ADGRL2: variants seen among roughly 807,000 people sequenced by gnomAD.
ADGRL2 encodes the protein adhesion G protein-coupled receptor L2.
A neutral mutation model predicts 157.4 loss-of-function variants in ADGRL2; 44 were observed. The observed-to-expected ratio is 0.28, with a 90% confidence interval of 0.22 to 0.36. The LOEUF (loss-of-function observed/expected upper bound fraction) is 0.36. Among genes scored for constraint, ADGRL2 ranks in the 10% least tolerant of loss-of-function variants. The pLI is 1.00. For missense variants in ADGRL2, 1,510 were observed against 1,768.9 expected (o/e 0.85, Z 2.63); for synonymous variants, 585 against 624.7 (o/e 0.94, Z 0.95).
chr1:81,510,050 A>T (rs1227523099), intron 2 of ADGRL2, among the ~76,000 whole-genome samples: 28 of 152,200 alleles, frequency 1.8e-4, no homozygotes, highest in Non-Finnish European at 1.2e-4. Flanking sequence ...TACCGCTGTT[A>T]GGAAAAAAAG....
intron 3 of ADGRL2, among the ~76,000 whole-genome samples, chr1:81,682,305 A>C (rs1472155270): frequency 2.6e-5 from 4 of 152,158 alleles, no homozygotes; most frequent in Non-Finnish European, 4.4e-5. Context: ...TAATCGGCTT[A>C]AATTTTAGGA....
At chr1:81,352,263 T>C (rs1662953735) in intron 1 of ADGRL2, among the ~76,000 whole-genome samples, 1 of 152,222 alleles carries the variant, frequency 6.6e-6, no homozygotes, top group African/African-American at 2.4e-5. Flanking sequence ...AGTCTCAACA[T>C]ATCAGTGGAC....
chr1:81,800,294 A>G (rs1045307521), upstream of ADGRL2: 1 of 152,324 alleles, frequency 6.6e-6, no homozygotes, highest in Admixed American at 6.5e-5. Context: ...CGCAATTTAA[A>G]AAAATGTAAC....
intron 1 of ADGRL2, among the ~76,000 whole-genome samples, chr1:81,402,615 A>C (rs560409651): frequency 1.5e-4 from 23 of 152,230 alleles, no homozygotes; most frequent in Non-Finnish European, 2.6e-4. Flanking sequence ...TTCCTCCTGA[A>C]CTTCCTACCC....
chr1:81,930,373 T>G (rs989454490), intron 3 of ADGRL2, among the ~76,000 whole-genome samples: 22 of 152,176 alleles, frequency 1.4e-4, no homozygotes, highest in African/African-American at 5.1e-4. Flanking sequence ...GATAATACAC[T>G]TTTATAAAAT....
At chr1:81,699,771 A>G (rs2083520067) in exon 1 of ADGRL2, 1 of 152,220 alleles carries the variant, frequency 6.6e-6, no homozygotes, top group Non-Finnish European at 1.5e-5. Flanking sequence ...GAGCTTGATA[A>G]CTGTGTTCTA....
Position 81,936,778 on chromosome 1 carries a change from C to G in ADGRL2, c.338C>G (p.Pro113Arg). 2 of 1,612,396 alleles carry G rather than the reference C, an allele frequency of 1.2e-6. No individual in the cohort carries two copies. The highest frequency in any genetic ancestry group is 1.7e-6 in the Non-Finnish European group (2 of 1,178,762). Residue 113 changes from proline to arginine, a missense_variant, in exon 4 of 24, where the codon CCT becomes CGT. Physicochemically the swap from Pro to Arg is moderately radical, Grantham distance 103. Around this residue, in one of 4 missense-constraint regions of ADGRL2, gnomAD observed 361 missense variants for 498.4 expected, o/e 0.72. Transcript: ENST00000686636. The part of the protein sequence containing the change: ...CIVVTGSDVF[P>R]DPCPGTYKYL... ...GTAGTTACTGGGTCAGATGTGTTTC[C>G]TGATCCATGTCCTGGAACATACAAA... is the stretch of plus-strand genomic sequence containing the variant.
chr1:81,379,221 G>T (rs2076302690), intron 1 of ADGRL2, among the ~76,000 whole-genome samples: 1 of 152,246 alleles, frequency 6.6e-6, no homozygotes, highest in South Asian at 2.1e-4. Context: ...GGTGTGGCTC[G>T]CTTCTTCAGT....
intron 3 of ADGRL2, among the ~76,000 whole-genome samples, chr1:81,584,962 G>T (rs2080994695): frequency 6.6e-6 from 1 of 152,114 alleles, no homozygotes; most frequent in Admixed American, 6.6e-5. Flanking sequence ...AGCCACTAAA[G>T]CTGGAGGCTT....
chr1:81,505,701 T>C (rs1198943578), intron 2 of ADGRL2, among the ~76,000 whole-genome samples: 13 of 126,128 alleles, frequency 1.0e-4, no homozygotes, highest in African/African-American at 4.1e-4. Flanking sequence ...AGCACATGGG[T>C]AGCCTAGGCA....
At chr1:81,728,631 C>T (rs992434973) in intron 1 of ADGRL2, among the ~76,000 whole-genome samples, 1 of 152,152 alleles carries the variant, frequency 6.6e-6, no homozygotes, top group Non-Finnish European at 1.5e-5. Flanking sequence ...CCAATCAAAT[C>T]TCATGTGGAA....
At chr1:81,892,965 C>T (rs962443198) in intron 2 of ADGRL2, among the ~76,000 whole-genome samples, 3 of 152,052 alleles carry the variant, frequency 2.0e-5, no homozygotes, top group African/African-American at 7.2e-5. Flanking sequence ...TATAAATTAA[C>T]ATCACAGTTT....
intron 2 of ADGRL2, among the ~76,000 whole-genome samples, chr1:81,770,207 G>A (rs2086302049): frequency 7.4e-6 from 1 of 136,028 alleles, no homozygotes; most frequent in African/African-American, 2.8e-5. Context: ...CTATAGCCCA[G>A]GCTGGAGTAC....
At chr1:81,623,284 A>G (rs2081837617) in intron 3 of ADGRL2, among the ~76,000 whole-genome samples, 1 of 152,224 alleles carries the variant, frequency 6.6e-6, no homozygotes, top group Admixed American at 6.5e-5. Context: ...CAAAGAACAA[A>G]CAAGAGAACT....
intron 2 of ADGRL2, among the ~76,000 whole-genome samples, chr1:81,504,407 C>A (rs145854648): frequency 0.023 from 3,493 of 152,268 alleles, 135 homozygotes; most frequent in African/African-American, 0.077. Flanking sequence ...CATTGAAATA[C>A]CTCAGATTTG....
At chr1:81,842,354 T>A (rs1392956727) in intron 2 of ADGRL2, among the ~76,000 whole-genome samples, 1 of 7,194 alleles carries the variant, frequency 1.4e-4, no homozygotes, top group African/African-American at 3.7e-4. Context: ...CTTTTAGCGC[T>A]TTTTTTTTTT....
chr1:81,703,752 T>G (rs988310948), intron 1 of ADGRL2, among the ~76,000 whole-genome samples: 2 of 152,230 alleles, frequency 1.3e-5, no homozygotes, highest in African/African-American at 4.8e-5. Flanking sequence ...AAACATTAAC[T>G]TGTGCCAAGG....
At chr1:81,622,045 G>C (rs1557513804) in intron 3 of ADGRL2, among the ~76,000 whole-genome samples, 1 of 152,152 alleles carries the variant, frequency 6.6e-6, no homozygotes, top group Non-Finnish European at 1.5e-5. Context: ...CATAGCAAAT[G>C]CATCTTAAAA....
chr1:81,921,565 G>A (rs937434609), intron 3 of ADGRL2, among the ~76,000 whole-genome samples: 1 of 152,196 alleles, frequency 6.6e-6, no homozygotes, highest in South Asian at 2.1e-4. Flanking sequence ...CACAGCACAC[G>A]GCCCTCCACT....
Sources: gnomAD v4.1 joint callset for allele counts (sites outside exome capture counted in the v4.1 genomes callset) on GRCh38, gnomAD v4.1.1 for gene constraint, gnomAD v4.1.1 regional missense constraint, MANE v1.5 for transcripts, NCBI Gene and HGNC (gene_info 2026-07-23, HGNC 2026-07-21) for gene names.